Variants in FGF10 observed in about 807,000 individuals in gnomAD.
FGF10 encodes fibroblast growth factor 10.
FGF10 carries 2 observed loss-of-function variants against 19.8 expected under a neutral mutation model. The ratio of observed to expected loss-of-function variants is 0.10; its 90% confidence interval spans 0.04 to 0.32. The LOEUF (loss-of-function observed/expected upper bound fraction) is 0.32. FGF10 is among the 10% of genes least tolerant of loss of function. The probability of loss-of-function intolerance (pLI) is 1.00; values close to 1 mark genes in which losing one functional copy is unlikely to be tolerated. For missense variants in FGF10, 191 were observed against 246.3 expected, an observed-to-expected ratio of 0.78 and a Z score of 1.50; for synonymous variants, 112 against 94.0, an observed-to-expected ratio of 1.19 and a Z score of -1.10.
chr5:44,333,350 T>A (rs180895030), intron 1 of FGF10, among the ~76,000 whole-genome samples: 1 of 152,216 alleles, frequency 6.6e-6, no homozygotes, highest in African/African-American at 2.4e-5. Context: ...ACCTGTATGT[T>A]CAAAGCACTG....
At chr5:44,352,357 G>A (rs1344289923) in intron 1 of FGF10, among the ~76,000 whole-genome samples, 2 of 151,478 alleles carry the variant, frequency 1.3e-5, no homozygotes, top group Non-Finnish European at 3.0e-5. Context: ...CCTCTAAAAG[G>A]GGACACCAAT....
chr5:44,322,529 G>T (rs904139579), intron 1 of FGF10, among the ~76,000 whole-genome samples: 1 of 152,168 alleles, frequency 6.6e-6, no homozygotes, highest in Non-Finnish European at 1.5e-5. Context: ...AATAAGCCAG[G>T]TGAATGGACT....
chr5:44,323,966 A>T (rs1216300237), intron 1 of FGF10, among the ~76,000 whole-genome samples: 1 of 152,150 alleles, frequency 6.6e-6, no homozygotes, highest in Non-Finnish European at 1.5e-5. Flanking sequence ...AAATGCAAAG[A>T]GAATAGTAAG....
intron 1 of FGF10, among the ~76,000 whole-genome samples, chr5:44,321,173 T>A (rs1740476383): frequency 6.6e-6 from 1 of 152,154 alleles, no homozygotes; most frequent in African/African-American, 2.4e-5. Context: ...AGGACATTTG[T>A]CATGAACTTA....
chr5:44,338,623 A>G (rs1387732793), intron 1 of FGF10, among the ~76,000 whole-genome samples: 2 of 152,188 alleles, frequency 1.3e-5, no homozygotes, highest in Admixed American at 6.5e-5. Flanking sequence ...CCTCATCACA[A>G]CACAAGTTCA....
chr5:44,381,309 T>G (rs920652663), intron 1 of FGF10, among the ~76,000 whole-genome samples: 1 of 152,120 alleles, frequency 6.6e-6, no homozygotes, highest in Admixed American at 6.5e-5. Flanking sequence ...TTGAAGATTT[T>G]TATGCAAAAT....
chr5:44,308,787 A>G (rs1161016523), intron 2 of FGF10, among the ~76,000 whole-genome samples: 2 of 152,056 alleles, frequency 1.3e-5, no homozygotes, highest in East Asian at 1.9e-4. Context: ...ATACAAGGCT[A>G]CTCTACATCC....
chr5:44,381,414 A>G (rs2111919616), intron 1 of FGF10, among the ~76,000 whole-genome samples: 1 of 152,280 alleles, frequency 6.6e-6, no homozygotes, highest in Admixed American at 6.5e-5. Context: ...ATACTAATGA[A>G]TGACTTTCCC....
At chr5:44,371,847 C>A (rs532233661) in intron 1 of FGF10, among the ~76,000 whole-genome samples, 1 of 152,064 alleles carries the variant, frequency 6.6e-6, no homozygotes, top group Non-Finnish European at 1.5e-5. Context: ...TCCTCATAGA[C>A]GGAATGAGAA....
chr5:44,378,517 T>A (rs1010691605), intron 1 of FGF10, among the ~76,000 whole-genome samples: 3 of 152,166 alleles, frequency 2.0e-5, no homozygotes, highest in Non-Finnish European at 4.4e-5. Flanking sequence ...GTGCAAGCTC[T>A]GCCTCCCGGG....
chr5:44,341,837 A>T (rs1579918257), intron 1 of FGF10, among the ~76,000 whole-genome samples: 1 of 151,978 alleles, frequency 6.6e-6, no homozygotes, highest in Non-Finnish European at 1.5e-5. Context: ...TTTGATTGAT[A>T]TTGAACAACC....
chr5:44,337,663 C>T (rs1431944468), intron 1 of FGF10, among the ~76,000 whole-genome samples: 1 of 152,022 alleles, frequency 6.6e-6, no homozygotes, highest in Admixed American at 6.6e-5. Context: ...ATATTAGGGC[C>T]CAGCGTGGTG....
Position 44,316,225 on chromosome 5 carries a change from C to A in FGF10, c.326-5695G>T, listed in dbSNP as rs575221088. Among the ~76,000 whole-genome samples, 178 of 152,262 alleles carry A rather than the reference C, an allele frequency of 1.2e-3. 1 individual carries two copies. Among genetic ancestry groups the A allele is most frequent in the African/African-American group, 4.2e-3 (175 of 41,552 alleles). ...GAACAGTTTCATCTACAAACCATCT[C>A]CTCATTCCCTTTCGTGTAAAAAATT... On this transcript the variant is annotated intron_variant, in intron 1 of 2. Coordinates refer to ENST00000264664, the MANE Select transcript of FGF10 (RefSeq NM_004465.2).
intron 1 of FGF10, among the ~76,000 whole-genome samples, chr5:44,385,782 A>G (rs941149975): frequency 7.9e-5 from 12 of 152,174 alleles, no homozygotes; most frequent in African/African-American, 2.7e-4. Context: ...TTTAGACAAT[A>G]TCTTAATGAT....
At chr5:44,323,574 C>G (rs2111734812) in intron 1 of FGF10, among the ~76,000 whole-genome samples, 1 of 152,164 alleles carries the variant, frequency 6.6e-6, no homozygotes, top group East Asian at 1.9e-4. Flanking sequence ...AACATATATG[C>G]ATTATTGTTT....
At chr5:44,316,838 T>C (rs1249935352) in intron 1 of FGF10, among the ~76,000 whole-genome samples, 1 of 152,218 alleles carries the variant, frequency 6.6e-6, no homozygotes, top group Non-Finnish European at 1.5e-5. Flanking sequence ...AGAATCTTTA[T>C]TTTCTTCTCC....
intron 1 of FGF10, among the ~76,000 whole-genome samples, chr5:44,380,823 G>A (rs764005766): frequency 2.6e-5 from 4 of 151,974 alleles, no homozygotes; most frequent in African/African-American, 9.7e-5. Flanking sequence ...TCTACAAAAC[G>A]AACAAACAAA....
At chr5:44,371,387 G>T (rs976184110) in intron 1 of FGF10, among the ~76,000 whole-genome samples, 6 of 151,970 alleles carry the variant, frequency 3.9e-5, no homozygotes, top group Admixed American at 6.6e-5. Context: ...CTTATAAATT[G>T]CCCAGTTTCA....
intron 1 of FGF10, among the ~76,000 whole-genome samples, chr5:44,355,623 T>TA (rs1193719158): frequency 1.3e-5 from 2 of 151,118 alleles, no homozygotes; most frequent in African/African-American, 4.9e-5. Context: ...GCACAGAAGG[T>TA]AAAATAAAAA....
Sources: gnomAD v4.1 joint callset for allele counts (sites outside exome capture counted in the v4.1 genomes callset) on GRCh38, gnomAD v4.1.1 for gene constraint, MANE v1.5 for transcripts, NCBI Gene and HGNC (gene_info 2026-07-23, HGNC 2026-07-21) for gene names.